The following CAMTA1 variants were observed in gnomAD, a reference collection of about 807,000 sequenced individuals.
CAMTA1 encodes calmodulin binding transcription activator 1, also known as calmodulin-binding transcription activator 1.
A neutral mutation model predicts 170.9 loss-of-function variants in CAMTA1; 27 were observed. That is an observed-to-expected ratio of 0.16 (90% CI 0.12 to 0.22). CAMTA1 has a LOEUF of 0.22. Among genes scored for constraint, CAMTA1 ranks in the 10% least tolerant of loss-of-function variants. The pLI, the probability that CAMTA1 is intolerant of heterozygous loss-of-function variation, is 1.00. For missense variants in CAMTA1, 1,619 were observed against 2,217.2 expected (o/e 0.73, Z 5.42); for synonymous variants, 833 against 891.5 (o/e 0.93, Z 1.17).
chr1:7,290,237 C>T (rs752351290), intron 5 of CAMTA1, among the ~76,000 whole-genome samples: 5 of 152,188 alleles, frequency 3.3e-5, no homozygotes, highest in African/African-American at 1.2e-4. Context: ...TGAGGAAACT[C>T]GGTTCTGCCT....
At position 7,530,405 on chromosome 1, in the gene CAMTA1, C is replaced by T. The variant is rs183244335; in HGVS notation, c.510+62504C>T. On this transcript the variant is annotated intron_variant, in intron 6 of 22. Transcript: ENST00000303635. ...TTAAGTCTGTTGATTCGAGGCAGAGCGGCACTCTGGTCGGTCCCTAGCAGC... is the reference window on the plus strand; with the variant it reads ...TTAAGTCTGTTGATTCGAGGCAGAGTGGCACTCTGGTCGGTCCCTAGCAGC... Among the ~76,000 whole-genome samples, 1,110 of 152,240 alleles carry T rather than the reference C, an allele frequency of 7.3e-3. 18 individuals carry two copies. Among genetic ancestry groups the T allele is most frequent in the African/African-American group, 0.025 (1,057 of 41,540 alleles).
At chr1:7,123,834 GAACCAA>G (rs1006469440) in intron 4 of CAMTA1, among the ~76,000 whole-genome samples, 2 of 152,214 alleles carry the variant, frequency 1.3e-5, no homozygotes, top group African/African-American at 4.8e-5. Flanking sequence ...GGCACAGTGA[GAACCAA>G]GGCCTTGCAG....
intron 3 of CAMTA1, among the ~76,000 whole-genome samples, chr1:6,826,972 A>G (rs550598583): frequency 2.4e-4 from 36 of 152,362 alleles, no homozygotes; most frequent in African/African-American, 8.7e-4. Context: ...GCACCTTACT[A>G]GTATATTAGA....
chr1:7,541,041 A>G (rs1376327699), intron 6 of CAMTA1, among the ~76,000 whole-genome samples: 1 of 152,212 alleles, frequency 6.6e-6, no homozygotes, highest in East Asian at 1.9e-4. Context: ...GCTGTTGCCA[A>G]AAAAGGGATG....
chr1:7,234,046 G>A lies in CAMTA1; in HGVS notation c.303-15445G>A, dbSNP rs1434603187. ...CATTTGTATTAAGATTGGAGTCCTC[G>A]CTTTTCCTTCATCGCTGTTAATACA... On this transcript the variant is annotated intron_variant, in intron 4 of 22. Coordinates refer to ENST00000303635, the MANE Select transcript of CAMTA1 (RefSeq NM_015215.4). This position sits in a 1 kb window ranked among gnomAD's most constrained non-coding sequence, Gnocchi z 5.0. Among the ~76,000 whole-genome samples, 1 of 152,050 alleles carries A rather than the reference G, an allele frequency of 6.6e-6. No homozygotes were observed. Among genetic ancestry groups the A allele is most frequent in the African/African-American group, 2.4e-5 (1 of 41,408 alleles).
intron 5 of CAMTA1, among the ~76,000 whole-genome samples, chr1:7,265,083 G>T (rs564395660): frequency 6.6e-6 from 1 of 152,270 alleles, no homozygotes; most frequent in East Asian, 1.9e-4. Flanking sequence ...CTTTTCTGCT[G>T]CAGAACTTCT....
At chr1:7,309,646 G>A (rs113695303) in intron 5 of CAMTA1, among the ~76,000 whole-genome samples, 7,495 of 151,888 alleles carry the variant, frequency 0.049, 621 homozygotes, top group African/African-American at 0.17. Flanking sequence ...CCTCTTTCCT[G>A]CCGCCTTTTA....
At chr1:7,758,529 C>A (rs895551683) in intron 22 of CAMTA1, among the ~76,000 whole-genome samples, 2 of 152,166 alleles carry the variant, frequency 1.3e-5, no homozygotes, top group African/African-American at 4.8e-5. Context: ...GTTCTTCCAT[C>A]GGAGAAGTCA....
rs934541369 is a variant in CAMTA1 at position 7,099,957 on chromosome 1, G to T, written c.302+8586G>T. 3.3e-5 allele frequency among the ~76,000 whole-genome samples: 5 copies of T among 152,150 alleles called. No homozygotes were observed. In the East Asian group the frequency reaches 9.6e-4, roughly 29 times the overall value. On this transcript the variant is annotated intron_variant, in intron 4 of 22. Transcript: ENST00000303635. Reference sequence around the variant, plus strand: ...TCTTCAGAGAATCAATGTGTCTCCCGCTGGGGCAGAGGCCAGGGGGTGGTT... The same window carrying T: ...TCTTCAGAGAATCAATGTGTCTCCCTCTGGGGCAGAGGCCAGGGGGTGGTT...
At chr1:7,315,124 TCTC>T (rs2149646800) in intron 5 of CAMTA1, among the ~76,000 whole-genome samples, 1 of 152,274 alleles carries the variant, frequency 6.6e-6, no homozygotes, top group South Asian at 2.1e-4. Context: ...CATTGCCCCT[TCTC>T]CTGGAAAGCA....
intron 5 of CAMTA1, among the ~76,000 whole-genome samples, chr1:7,339,663 C>A (rs535362868): frequency 1.2e-3 from 182 of 152,228 alleles, no homozygotes; most frequent in Middle Eastern, 3.4e-3. Context: ...AGTGCAGTGG[C>A]GCAATCTCAG....
chr1:7,369,599 G>A (rs1479964275), intron 5 of CAMTA1, among the ~76,000 whole-genome samples: 7 of 152,048 alleles, frequency 4.6e-5, no homozygotes, highest in African/African-American at 1.7e-4. Flanking sequence ...TGGGTAAGTT[G>A]TGGGACCACT....
intron 3 of CAMTA1, among the ~76,000 whole-genome samples, chr1:7,003,827 T>C (rs182035242): frequency 6.0e-4 from 91 of 152,348 alleles, no homozygotes; most frequent in Non-Finnish European, 5.0e-4. Flanking sequence ...CGGAAGTATC[T>C]GGTTTATGCC....
chr1:6,818,122 A>G (rs1486917569), intron 1 of CAMTA1, among the ~76,000 whole-genome samples: 1 of 152,146 alleles, frequency 6.6e-6, no homozygotes, highest in East Asian at 1.9e-4. Flanking sequence ...AGATCATTTG[A>G]GGTCAGGAGT....
chr1:6,792,821 A>G (rs780994222), intron 1 of CAMTA1, among the ~76,000 whole-genome samples: 24 of 152,158 alleles, frequency 1.6e-4, no homozygotes, highest in Non-Finnish European at 2.8e-4. Context: ...AGCCGAAGGT[A>G]ACTTCAAGGA....
intron 4 of CAMTA1, among the ~76,000 whole-genome samples, chr1:7,174,927 C>T (rs1425041668): frequency 3.3e-5 from 5 of 152,146 alleles, no homozygotes; most frequent in Non-Finnish European, 7.3e-5. Context: ...ATCCGGATGT[C>T]CCATCATGCC....
intron 5 of CAMTA1, among the ~76,000 whole-genome samples, chr1:7,357,732 C>T (rs1032361645): frequency 4.6e-5 from 7 of 152,146 alleles, no homozygotes; most frequent in African/African-American, 1.4e-4. Flanking sequence ...GTGTGTTTTT[C>T]GTCCTTAGGG....
chr1:7,718,350 G>A (rs1348847673), intron 11 of CAMTA1, among the ~76,000 whole-genome samples: 4 of 152,122 alleles, frequency 2.6e-5, no homozygotes, highest in South Asian at 4.1e-4. Context: ...CATGCTAGGC[G>A]CCACCAAACA....
chr1:7,229,064 G>A (rs116192033), intron 4 of CAMTA1, among the ~76,000 whole-genome samples: 2,709 of 152,156 alleles, frequency 0.018, 37 homozygotes, highest in Middle Eastern at 0.051. Flanking sequence ...AGGTGGAGGG[G>A]AGCCCAGAGG....
Sources: allele counts gnomAD v4.1 joint callset (sites outside exome capture counted in the v4.1 genomes callset), GRCh38; gene constraint gnomAD v4.1.1; non-coding constraint Gnocchi (gnomAD v3.1); transcripts MANE v1.5; gene names NCBI Gene and HGNC (gene_info 2026-07-23, HGNC 2026-07-21).